P4HA1: variants seen among roughly 807,000 people sequenced by gnomAD.
The protein encoded by P4HA1 is prolyl 4-hydroxylase subunit alpha-1.
Under a neutral mutation model 72.8 loss-of-function variants are expected in P4HA1, and 24 were observed. The ratio of observed to expected loss-of-function variants is 0.33; its 90% CI spans 0.24 to 0.46. The LOEUF is 0.46. Among genes scored for constraint, P4HA1 ranks in the 20% least tolerant of loss-of-function variants. P4HA1 has a pLI of 1.00. For missense variants in P4HA1, 446 were observed against 640.6 expected, an observed-to-expected ratio of 0.70 and a Z score of 3.28; for synonymous variants, 201 against 218.8, an observed-to-expected ratio of 0.92 and a Z score of 0.72.
intron 4 of P4HA1, among the ~76,000 whole-genome samples, chr10:73,069,329 T>C (rs993117434): frequency 3.9e-5 from 6 of 152,166 alleles, no homozygotes; most frequent in Non-Finnish European, 7.3e-5. Flanking sequence ...AATGAACACA[T>C]TTATGGGTCT....
At chr10:73,059,424 TAAAA>T (rs920360586) in intron 5 of P4HA1, among the ~76,000 whole-genome samples, 3 of 24,152 alleles carry the variant, frequency 1.2e-4, no homozygotes, top group Non-Finnish European at 2.0e-4. Context: ...ACAATATATT[TAAAA>T]AAAAAAAAAA....
At chr10:73,066,450 T>C (rs1338178936) in intron 5 of P4HA1, among the ~76,000 whole-genome samples, 1 of 152,130 alleles carries the variant, frequency 6.6e-6, no homozygotes, top group Non-Finnish European at 1.5e-5. Flanking sequence ...AAAACACATA[T>C]AGTAATCTAA....
chr10:73,047,235 GTACTCTGCAAA>G, intron 7 of P4HA1, 134 bp from the exon 8 acceptor site: 1 of 673,828 alleles, frequency 1.5e-6, no homozygotes, highest in East Asian at 2.8e-5. Flanking sequence ...AAAAGAAGCA[GTACTCTGCAAA>G]TATTTTGCCT....
intron 2 of P4HA1, 80 bp from the exon 3 acceptor site, chr10:73,073,907 C>T: frequency 1.3e-6 from 1 of 757,690 alleles, no homozygotes; most frequent in Non-Finnish European, 2.4e-6. Context: ...GAGACTGTTT[C>T]ATTCTATGAG....
intron 10 of P4HA1, among the ~76,000 whole-genome samples, chr10:73,018,639 C>T (rs1328904255): frequency 6.6e-6 from 1 of 152,026 alleles, no homozygotes; most frequent in East Asian, 1.9e-4. Context: ...TCCAGGGCAC[C>T]TCATCATGGT....
At chr10:73,080,192 T>C (rs1468206059) in intron 1 of P4HA1, among the ~76,000 whole-genome samples, 1 of 152,230 alleles carries the variant, frequency 6.6e-6, no homozygotes, top group African/African-American at 2.4e-5. Context: ...TAATTCAAGT[T>C]GGATTTCTGT....
In P4HA1 at chr10:73,037,552, TATATA is replaced by T. The variant is rs1840614805; in HGVS notation, c.1149-7187_1149-7183del. 8.3e-4 allele frequency among the ~76,000 whole-genome samples: 27 copies of T among 32,368 alleles called. 1 individual carries two copies. The highest frequency in any genetic ancestry group is 3.1e-3 in the African/African-American group (27 of 8,702). 21.2% of individuals were successfully genotyped at this position (32,368 alleles called of 152,430 possible). A position where few individuals can be genotyped will look rare whatever the true frequency, so the allele number is the denominator to read the frequency against. On this transcript the variant is annotated intron_variant, in intron 9 of 14. Coordinates refer to ENST00000394890, the MANE Select transcript of P4HA1 (RefSeq NM_001017962.3). ...ATATATATATATATATATATATATA[TATATA>T]TATATATATATATATTTTTTTTTTT... is the stretch of plus-strand genomic sequence containing the variant.
At chr10:73,041,361 G>A (rs112849861) in intron 9 of P4HA1, among the ~76,000 whole-genome samples, 7,951 of 151,986 alleles carry the variant, frequency 0.052, 662 homozygotes, top group African/African-American at 0.17. Context: ...TGGCTAACAC[G>A]GTGAAACCCA....
At chr10:73,091,356 G>A (rs1000215167) in intron 1 of P4HA1, among the ~76,000 whole-genome samples, 2 of 151,944 alleles carry the variant, frequency 1.3e-5, no homozygotes, top group Non-Finnish European at 2.9e-5. Context: ...GGCTGGAGTG[G>A]AGTGGAACAA....
At chr10:73,083,953 T>C (rs1841874326) in intron 1 of P4HA1, among the ~76,000 whole-genome samples, 1 of 152,196 alleles carries the variant, frequency 6.6e-6, no homozygotes, top group Non-Finnish European at 1.5e-5. Context: ...TTAAAAAAAT[T>C]CTATTTCTGT....
intron 7 of P4HA1, among the ~76,000 whole-genome samples, 187 bp downstream of exon 7, chr10:73,050,866 A>C (rs1364477379): frequency 6.6e-6 from 1 of 152,110 alleles, no homozygotes; most frequent in Non-Finnish European, 1.5e-5. Context: ...CAGCATGCCC[A>C]GCTAATTTTT....
intron 9 of P4HA1, among the ~76,000 whole-genome samples, chr10:73,041,628 T>C (rs1840739510): frequency 6.6e-6 from 1 of 151,728 alleles, no homozygotes; most frequent in Non-Finnish European, 1.5e-5. Flanking sequence ...TCTCTCTACC[T>C]GGAAGAAATG....
chr10:73,073,915 G>C, intron 2 of P4HA1, 88 bp from the exon 3 acceptor site: 1 of 740,586 alleles, frequency 1.4e-6, no homozygotes. Flanking sequence ...TTCATTCTAT[G>C]AGACAATTTA....
rs1840791562 is a variant in P4HA1, at chr10:73,043,821, G to T, written c.1148+1160C>A. The T allele has an allele frequency of 3.3e-6, 4 of 1,230,522 alleles. No individual in the cohort carries two copies. The East Asian group carries it at 9.3e-5, about 29-fold the overall frequency. The allele number at this position is 1,230,522 out of a possible 1,614,324, so 76.2% of individuals were successfully genotyped here. A position where few individuals can be genotyped will look rare whatever the true frequency, so the allele number is the denominator to read the frequency against. ...TTAGAAACTATATCATGAGTTTTCA[G>T]AAAATTAGATTCCCAAGAAAGAAAT... is the stretch of plus-strand genomic sequence containing the variant. On this transcript the variant is annotated intron_variant, in intron 9 of 14. Coordinates refer to ENST00000394890, the MANE Select transcript of P4HA1 (RefSeq NM_001017962.3).
chr10:73,036,187 CAAAA>C (rs35435004), intron 9 of P4HA1, among the ~76,000 whole-genome samples: 16 of 84,162 alleles, frequency 1.9e-4, no homozygotes, highest in Admixed American at 1.3e-4. Context: ...AACTCCGTCT[CAAAA>C]AAAAAAAAAA....
At chr10:73,073,594 A>C (rs529645226) in intron 3 of P4HA1, 137 bp downstream of exon 3, 1 of 618,354 alleles carries the variant, frequency 1.6e-6, no homozygotes, top group African/African-American at 1.8e-5. Flanking sequence ...CTTGTTCTCT[A>C]TACTCCTATT....
Position 73,059,423 on chromosome 10 carries a change from T to TAAA in P4HA1, c.464-5834_464-5833insTTT, listed in dbSNP as rs1564631461. ...CGGGCAAAATAATGAGACAATATAT[T>TAAA]TAAAAAAAAAAAAAAAAAAAAAAAA... On this transcript the variant is annotated intron_variant, in intron 5 of 14. Transcript: ENST00000394890. Among the ~76,000 whole-genome samples the TAAA allele has an allele frequency of 5.0e-4, 24 of 47,584 alleles. 5 individuals carry two copies. The highest frequency in any genetic ancestry group is 2.0e-3 in the African/African-American group (22 of 11,104). 31.2% of individuals were successfully genotyped at this position (47,584 alleles called of 152,430 possible).
chr10:73,056,653 T>C (rs955159755), intron 5 of P4HA1, among the ~76,000 whole-genome samples: 7 of 151,046 alleles, frequency 4.6e-5, no homozygotes, highest in African/African-American at 1.5e-4. Flanking sequence ...AATTAATAAA[T>C]AAAAATAAAA....
chr10:73,054,611 T>C (rs1310462573), intron 5 of P4HA1, among the ~76,000 whole-genome samples: 2 of 152,232 alleles, frequency 1.3e-5, no homozygotes, highest in Non-Finnish European at 2.9e-5. Context: ...CTTGAGTATA[T>C]ACATATGAAT....
Sources: allele counts gnomAD v4.1 joint callset (sites outside exome capture counted in the v4.1 genomes callset), GRCh38; gene constraint gnomAD v4.1.1; transcripts MANE v1.5; gene names NCBI Gene and HGNC (gene_info 2026-07-23, HGNC 2026-07-21).